RUFY2: variants seen among roughly 807,000 people sequenced by gnomAD.
The protein encoded by RUFY2 is RUN and FYVE domain-containing protein 2.
RUFY2 carries 49 observed loss-of-function variants against 94.4 expected under a neutral mutation model. That is an observed-to-expected ratio of 0.52 (90% CI 0.41 to 0.66). The LOEUF (loss-of-function observed/expected upper bound fraction) is 0.66, where lower values mean the gene tolerates loss of function less well. RUFY2 is among the 30% of genes least tolerant of loss of function. The probability of loss-of-function intolerance (pLI) is 0.00; values close to 1 mark genes in which losing one functional copy is unlikely to be tolerated. For synonymous variants in RUFY2, 255 were observed against 235.7 expected (o/e 1.08, Z -0.75); for missense variants, 541 against 692.8 (o/e 0.78, Z 2.46).
intron 3 of RUFY2, among the ~76,000 whole-genome samples, chr10:68,398,104 G>A (rs1351482259): frequency 7.7e-6 from 1 of 130,202 alleles, no homozygotes; most frequent in Admixed American, 8.8e-5. Flanking sequence ...TCCAGCCTGG[G>A]CAACAAGGTA....
At chr10:68,392,542 A>G (rs1358381671) in intron 7 of RUFY2, among the ~76,000 whole-genome samples, 1 of 152,186 alleles carries the variant, frequency 6.6e-6, no homozygotes, top group Non-Finnish European at 1.5e-5. Context: ...TCAAACTGAT[A>G]CAAACTTTTA....
downstream of RUFY2, chr10:68,341,392 T>C (rs1415430712): frequency 3.2e-5 from 45 of 1,400,700 alleles, no homozygotes; most frequent in Non-Finnish European, 4.4e-5. Flanking sequence ...TAGGTAACGC[T>C]TGGCAGTTGT....
At chr10:68,359,009 C>A (rs974662596) in intron 15 of RUFY2, among the ~76,000 whole-genome samples, 1 of 152,066 alleles carries the variant, frequency 6.6e-6, no homozygotes, top group African/African-American at 2.4e-5. Flanking sequence ...AAAAGACGGC[C>A]TCTCTATGAT....
At chr10:68,406,687 G>GC (rs2051341700) in intron 1 of RUFY2, 3 of 1,393,542 alleles carry the variant, frequency 2.2e-6, no homozygotes, top group Admixed American at 2.4e-5. Context: ...CTCTCTTCCT[G>GC]CCCCCTCCCC....
chr10:68,406,935 G>A (rs1381982084), intron 1 of RUFY2: 5 of 1,555,684 alleles, frequency 3.2e-6, no homozygotes, highest in Non-Finnish European at 4.3e-6. Context: ...TGGACGCCGT[G>A]GCACCTCGAG....
intron 13 of RUFY2, among the ~76,000 whole-genome samples, chr10:68,374,199 G>A (rs1278109564): frequency 1.3e-5 from 2 of 151,292 alleles, no homozygotes; most frequent in African/African-American, 4.9e-5. Flanking sequence ...ACTTTGGGAG[G>A]CAAAGGTGGG....
intron 13 of RUFY2, among the ~76,000 whole-genome samples, chr10:68,364,339 A>G (rs1227174413): frequency 6.6e-6 from 1 of 152,196 alleles, no homozygotes; most frequent in Non-Finnish European, 1.5e-5. Context: ...TCCTTGCTAA[A>G]CCATTTATAC....
At chr10:68,379,609 G>T in intron 11 of RUFY2, 88 bp from the exon 12 acceptor site, 1 of 865,376 alleles carries the variant, frequency 1.2e-6, no homozygotes. Flanking sequence ...AATAGATAGG[G>T]TATCACTATG....
At chr10:68,352,084 G>A (rs1235094793) in intron 16 of RUFY2, among the ~76,000 whole-genome samples, 1 of 151,604 alleles carries the variant, frequency 6.6e-6, no homozygotes, top group Non-Finnish European at 1.5e-5. Flanking sequence ...AAAGTGTGAG[G>A]ATAAAACAAA....
chr10:68,347,080 T>C (rs1303969054), intron 16 of RUFY2, among the ~76,000 whole-genome samples: 1 of 151,870 alleles, frequency 6.6e-6, no homozygotes, highest in African/African-American at 2.4e-5. Flanking sequence ...GACTCAGGCT[T>C]GAGTGCCACT....
At chr10:68,406,464 A>C (rs1214636732) in intron 1 of RUFY2, among the ~76,000 whole-genome samples, 1 of 152,160 alleles carries the variant, frequency 6.6e-6, no homozygotes, top group Non-Finnish European at 1.5e-5. Flanking sequence ...CGATGCGACA[A>C]CCACACAAAG....
At chr10:68,367,290 C>A (rs2047917709) in intron 13 of RUFY2, among the ~76,000 whole-genome samples, 1 of 152,152 alleles carries the variant, frequency 6.6e-6, no homozygotes, top group South Asian at 2.1e-4. Flanking sequence ...ATTCTACTGA[C>A]CAGCAAAGTA....
chr10:68,382,677 G>A (rs2049162249), intron 10 of RUFY2, among the ~76,000 whole-genome samples: 1 of 146,778 alleles, frequency 6.8e-6, no homozygotes, highest in Non-Finnish European at 1.5e-5. Context: ...TGGCGCCACT[G>A]CACTCTAGCC....
chr10:68,372,287 C>T (rs1197850134), intron 13 of RUFY2, among the ~76,000 whole-genome samples: 1 of 152,082 alleles, frequency 6.6e-6, no homozygotes, highest in Non-Finnish European at 1.5e-5. Flanking sequence ...ATCATCCTAG[C>T]TACTCAGGAG....
In RUFY2 at chr10:68,394,091, T is replaced by A. The variant is rs186215471; in HGVS notation, c.568A>T (p.Ile190Phe). The A allele has an allele frequency of 1.1e-5, 17 of 1,509,178 alleles. No individual in the cohort carries two copies. Among genetic ancestry groups the A allele is most frequent in the Non-Finnish European group, 1.4e-5 (16 of 1,122,262 alleles). The allele number at this position is 1,509,178 out of a possible 1,614,324, so 93.5% of individuals were successfully genotyped here. Residue 190 changes from isoleucine to phenylalanine, a missense_variant, in exon 6 of 18, where the codon ATT (isoleucine) becomes TTT (phenylalanine). This residue lies in a region of RUFY2 where 403 missense variants were observed against 480.7 expected (regional missense o/e 0.84). Transcript: ENST00000602465. ...FSMYLKNEEDIGNKERNVQIA... is the reference protein window; with the variant it reads ...FSMYLKNEEDFGNKERNVQIA... ...AAATCATACCTTTCTTTATTTCCAA[T>A]ATCTTCTTCATTCTTTAAATACATA...
chr10:68,383,349 T>C (rs1052257524), intron 10 of RUFY2, among the ~76,000 whole-genome samples: 1 of 148,658 alleles, frequency 6.7e-6, no homozygotes, highest in African/African-American at 2.5e-5. Context: ...CTGGGCGCAG[T>C]GGCTCACGCC....
chr10:68,341,457 G>A (rs369585587), downstream of RUFY2: 14 of 990,466 alleles, frequency 1.4e-5, no homozygotes, highest in South Asian at 1.6e-4. Context: ...TTTATATATC[G>A]CTGTACTAGT....
chr10:68,351,639 G>A (rs546457370), intron 16 of RUFY2, among the ~76,000 whole-genome samples: 19 of 150,406 alleles, frequency 1.3e-4, no homozygotes, highest in South Asian at 4.2e-4. Flanking sequence ...TAGTAGAGGC[G>A]GGGTTTCACC....
chr10:68,392,693 C>G (rs186154255), intron 7 of RUFY2, among the ~76,000 whole-genome samples: 1 of 150,504 alleles, frequency 6.6e-6, no homozygotes, highest in African/African-American at 2.4e-5. Context: ...GAGGCCAAGG[C>G]GGGCAGATCA....
Sources: gnomAD v4.1 joint callset for allele counts (sites outside exome capture counted in the v4.1 genomes callset) on GRCh38, gnomAD v4.1.1 for gene constraint, gnomAD v4.1.1 regional missense constraint, MANE v1.5 for transcripts, NCBI Gene and HGNC (gene_info 2026-07-23, HGNC 2026-07-21) for gene names.